Variants in NRG1 observed in about 807,000 individuals in gnomAD.
NRG1 encodes pro-neuregulin-1, membrane-bound isoform.
NRG1 carries 18 observed loss-of-function variants against 63.8 expected under a neutral mutation model. The observed-to-expected ratio is 0.28, with a 90% confidence interval of 0.19 to 0.42. NRG1 has a LOEUF of 0.42. Ranked by LOEUF, NRG1 falls within the 10% of genes least tolerant of loss-of-function variation. The pLI, the probability that NRG1 is intolerant of heterozygous loss-of-function variation, is 1.00. For synonymous variants in NRG1, 302 were observed against 301.3 expected (o/e 1.00, Z -0.02); for missense variants, 762 against 814.7 (o/e 0.94, Z 0.79).
At chr8:32,086,012 A>G (rs1268793269) in intron 1 of NRG1, among the ~76,000 whole-genome samples, 5 of 152,202 alleles carry the variant, frequency 3.3e-5, no homozygotes, top group Non-Finnish European at 4.4e-5. Context: ...CCCTTCAGGT[A>G]GACTTCTGTG....
chr8:32,273,507 A>T (rs1293022354), intron 1 of NRG1, among the ~76,000 whole-genome samples: 1 of 152,188 alleles, frequency 6.6e-6, no homozygotes, highest in Non-Finnish European at 1.5e-5. Flanking sequence ...TAGGGGATAA[A>T]AAACCTAAAA....
At chr8:32,650,018 A>G (rs1471128025) in intron 5 of NRG1, among the ~76,000 whole-genome samples, 1 of 152,070 alleles carries the variant, frequency 6.6e-6, no homozygotes. Flanking sequence ...CCAGAGAAAG[A>G]AAAAAATGCC....
intron 1 of NRG1, among the ~76,000 whole-genome samples, chr8:31,909,884 T>C (rs1227795696): frequency 6.6e-6 from 1 of 152,196 alleles, no homozygotes; most frequent in Non-Finnish European, 1.5e-5. Flanking sequence ...CCTTCATCCC[T>C]TAACGAACCT....
intron 1 of NRG1, among the ~76,000 whole-genome samples, chr8:32,539,670 C>T (rs905673976): frequency 2.0e-5 from 3 of 151,820 alleles, no homozygotes; most frequent in Non-Finnish European, 1.5e-5. Flanking sequence ...TAAACATTTA[C>T]GAATTATCAA....
intron 1 of NRG1, among the ~76,000 whole-genome samples, chr8:32,366,669 GTGTGTGTGTATATA>G (rs1284395277): frequency 2.0e-4 from 13 of 64,070 alleles, no homozygotes; most frequent in South Asian, 5.7e-4. Flanking sequence ...GTGTGTGTGT[GTGTGTGTGTATATA>G]TATATATATA....
At chr8:32,450,931 C>A (rs1005094208) in intron 1 of NRG1, among the ~76,000 whole-genome samples, 18 of 152,180 alleles carry the variant, frequency 1.2e-4, no homozygotes, top group African/African-American at 2.6e-4. Context: ...TTCCCAGAAC[C>A]ATTTGAAGGA....
chr8:32,772,081 A>G (rs1283145312), downstream of NRG1, among the ~76,000 whole-genome samples: 1 of 132,264 alleles, frequency 7.6e-6, no homozygotes, highest in Admixed American at 7.9e-5. Flanking sequence ...ATATATATAT[A>G]TATATATAAA....
intron 1 of NRG1, among the ~76,000 whole-genome samples, chr8:32,012,822 A>T (rs539919647): frequency 6.6e-6 from 1 of 152,264 alleles, no homozygotes; most frequent in East Asian, 1.9e-4. Flanking sequence ...ATTACATAAC[A>T]GAGATAATAT....
chr8:31,907,406 GT>G (rs1430556652), intron 1 of NRG1, among the ~76,000 whole-genome samples: 1 of 140,940 alleles, frequency 7.1e-6, no homozygotes, highest in African/African-American at 2.7e-5. Flanking sequence ...CAGAAAGCAT[GT>G]TTTTGCAGGC....
intron 5 of NRG1, among the ~76,000 whole-genome samples, chr8:32,725,747 T>A (rs1821997421): frequency 1.3e-5 from 2 of 152,048 alleles, no homozygotes; most frequent in Non-Finnish European, 2.9e-5. Context: ...GTGCTGGGAT[T>A]ACAGGCGTGA....
intron 1 of NRG1, among the ~76,000 whole-genome samples, chr8:32,500,328 T>C (rs1827715785): frequency 6.6e-6 from 1 of 152,138 alleles, no homozygotes; most frequent in South Asian, 2.1e-4. Context: ...ATTTCCCTTT[T>C]CTTGAGGACT....
At position 32,123,552 on chromosome 8, in the gene NRG1, G is replaced by A. The variant is rs111898517; in HGVS notation, c.38-472276G>A. Among the ~76,000 whole-genome samples the A allele has an allele frequency of 1.1e-3, 165 of 150,266 alleles. 2 individuals carry two copies. The highest frequency in any genetic ancestry group is 3.6e-3 in the African/African-American group (149 of 41,080). The stretch of plus-strand genomic sequence containing the variant: ...AGCAGCGTGAGAACAGACTATAACA[G>A]TTATCCTGCATCTTAACATATTTCA... On this transcript the variant is annotated intron_variant, in intron 1 of 10. Coordinates refer to the NRG1 transcript ENST00000519301.
chr8:32,339,926 T>C (rs1803839428), intron 1 of NRG1, among the ~76,000 whole-genome samples: 1 of 152,122 alleles, frequency 6.6e-6, no homozygotes, highest in South Asian at 2.1e-4. Flanking sequence ...TCAGCAGGGA[T>C]TGTGTTATCT....
chr8:32,593,338 T>C (rs577303783), intron 1 of NRG1, among the ~76,000 whole-genome samples: 1 of 152,326 alleles, frequency 6.6e-6, no homozygotes, highest in East Asian at 1.9e-4. Flanking sequence ...TTTGGTGTCA[T>C]GTAGCACCGG....
chr8:32,362,034 A>G (rs78977603), intron 1 of NRG1, among the ~76,000 whole-genome samples: 8,566 of 152,254 alleles, frequency 0.056, 315 homozygotes, highest in Middle Eastern at 0.099. Context: ...TAACTACCCC[A>G]GTGACACCCT....
At chr8:32,716,546 A>G (rs1819270355) in intron 5 of NRG1, among the ~76,000 whole-genome samples, 2 of 152,130 alleles carry the variant, frequency 1.3e-5, no homozygotes, top group Admixed American at 6.5e-5. Context: ...ATTAGCCCAT[A>G]TATATATAGA....
chr8:32,043,261 A>G (rs908287510), intron 1 of NRG1, among the ~76,000 whole-genome samples: 2 of 152,122 alleles, frequency 1.3e-5, no homozygotes, highest in African/African-American at 2.4e-5. Flanking sequence ...GTCAAATTTC[A>G]CAGAAGCTAA....
chr8:31,743,905 A>AGCTTTGTT (rs1326067809), intron 1 of NRG1, among the ~76,000 whole-genome samples: 1 of 152,042 alleles, frequency 6.6e-6, no homozygotes, highest in African/African-American at 2.4e-5. Flanking sequence ...TGGAAAAAAA[A>AGCTTTGTT]GCTTTGTTTT....
intron 1 of NRG1, among the ~76,000 whole-genome samples, chr8:32,208,966 T>C (rs1220712673): frequency 3.9e-5 from 6 of 152,174 alleles, no homozygotes; most frequent in Admixed American, 3.3e-4. Flanking sequence ...TAATATATCA[T>C]GTAGATGAGT....
Sources: gnomAD v4.1 joint callset for allele counts (sites outside exome capture counted in the v4.1 genomes callset) on GRCh38, gnomAD v4.1.1 for gene constraint, MANE v1.5 for transcripts, NCBI Gene and HGNC (gene_info 2026-07-23, HGNC 2026-07-21) for gene names.